The following VWDE variants were observed in gnomAD, a reference collection of about 807,000 sequenced individuals.
VWDE encodes von Willebrand factor D and EGF domains.
Under a neutral mutation model 178.4 loss-of-function variants are expected in VWDE, and 207 were observed. The observed-to-expected ratio is 1.16, with a 90% confidence interval of 1.04 to 1.30. The LOEUF (loss-of-function observed/expected upper bound fraction) is 1.30, where lower values mean the gene tolerates loss of function less well. Ranked by LOEUF, VWDE falls within the 50% of genes most tolerant of loss-of-function variation. VWDE has a pLI of 0.00. For missense variants in VWDE, 2,287 were observed against 1,901.3 expected (o/e 1.20, Z -3.77); for synonymous variants, 738 against 651.4 (o/e 1.13, Z -2.02).
At chr7:12,396,919 G>C (rs1013344536) in intron 1 of VWDE, among the ~76,000 whole-genome samples, 19 of 152,056 alleles carry the variant, frequency 1.2e-4, no homozygotes, top group African/African-American at 4.6e-4. Flanking sequence ...TGGGCAACAA[G>C]AGTGAAACTC....
rs1164872200 is a variant in VWDE, at chr7:12,388,957, C to T, written c.475+170G>A. 5 of 722,874 alleles carry T rather than the reference C, an allele frequency of 6.9e-6. No homozygotes were observed. In the Admixed American group the frequency reaches 1.0e-4, roughly 15 times the overall value. The allele number at this position is 722,874 out of a possible 1,614,324, so 44.8% of individuals were successfully genotyped here. ...GGACTTTACAATCTTGGCAAAGAACCCTAAAGAAATTTGACCAATGTAAAC... is the reference window on the plus strand; with the variant it reads ...GGACTTTACAATCTTGGCAAAGAACTCTAAAGAAATTTGACCAATGTAAAC... On this transcript the variant is annotated intron_variant, in intron 3 of 28. Transcript: ENST00000275358.
rs569197123 is a variant in VWDE, at chr7:12,384,328, G to C, written c.476-727C>G. Among the ~76,000 whole-genome samples the C allele has an allele frequency of 4.6e-5, 7 of 152,104 alleles. No homozygotes were observed. In the South Asian group the frequency reaches 1.5e-3, roughly 32 times the overall value. ...CTATGGAGACAGTAAAAAGAGCTGT[G>C]GTTGTCTGGGGTTGAGAGGAGGGAG... On this transcript the variant is annotated intron_variant, in intron 3 of 28. Coordinates refer to ENST00000275358, the MANE Select transcript of VWDE (RefSeq NM_001135924.3).
At chr7:12,353,899 A>C (rs1782077103) in intron 18 of VWDE, 2 of 152,476 alleles carry the variant, frequency 1.3e-5, no homozygotes, top group African/African-American at 4.8e-5. Context: ...TGGCTGCCCA[A>C]GGAGTGCTGT....
At chr7:12,401,145 G>A (rs1684369519) in intron 1 of VWDE, among the ~76,000 whole-genome samples, 1 of 151,952 alleles carries the variant, frequency 6.6e-6, no homozygotes, top group African/African-American at 2.4e-5. Context: ...TATAAAATCA[G>A]GAATAAGACA....
At chr7:12,373,381 A>G in intron 9 of VWDE, 134 bp from the exon 10 acceptor site, 1 of 843,602 alleles carries the variant, frequency 1.2e-6, no homozygotes, top group Non-Finnish European at 1.8e-6. Context: ...AGTCATAAAC[A>G]CCTCAATCTC....
intron 24 of VWDE, among the ~76,000 whole-genome samples, chr7:12,338,341 T>C (rs1781146803): frequency 6.6e-6 from 1 of 151,882 alleles, no homozygotes; most frequent in Non-Finnish European, 1.5e-5. Flanking sequence ...GGTAGAGAAA[T>C]GTTCTTACAT....
At chr7:12,337,456 A>G (rs1260236031) in intron 24 of VWDE, among the ~76,000 whole-genome samples, 184 bp from the exon 25 acceptor site, 1 of 152,224 alleles carries the variant, frequency 6.6e-6, no homozygotes, top group Non-Finnish European at 1.5e-5. Flanking sequence ...CCTATAAGCT[A>G]CTAGTGGGTT....
At chr7:12,369,446 A>C in intron 12 of VWDE, 99 bp downstream of exon 12, 1 of 1,373,418 alleles carries the variant, frequency 7.3e-7, no homozygotes, top group Non-Finnish European at 9.6e-7. Context: ...ATAAAATCTG[A>C]ATAAACACTG....
chr7:12,378,273 G>A (rs1394136678), intron 6 of VWDE, among the ~76,000 whole-genome samples: 1 of 152,162 alleles, frequency 6.6e-6, no homozygotes, highest in Non-Finnish European at 1.5e-5. Context: ...AATGTTTACT[G>A]ACACACCAAC....
chr7:12,385,983 ATAT>A (rs921629758), intron 3 of VWDE, among the ~76,000 whole-genome samples: 16 of 152,186 alleles, frequency 1.1e-4, no homozygotes, highest in Non-Finnish European at 1.5e-4. Context: ...CAAATTTTAA[ATAT>A]TATGTTTTTA....
At chr7:12,398,768 T>C (rs847999) in intron 1 of VWDE, among the ~76,000 whole-genome samples, 32,850 of 151,844 alleles carry the variant, frequency 0.22, 3,776 homozygotes, top group African/African-American at 0.28. Context: ...CGGAGGCCAT[T>C]ATCCTAAACA....
chr7:12,388,945 T>C (rs1466102998), intron 3 of VWDE, 182 bp downstream of exon 3: 1 of 715,356 alleles, frequency 1.4e-6, no homozygotes, highest in Admixed American at 2.0e-5. Flanking sequence ...CTTTACAATC[T>C]TGGCAAAGAA....
intron 17 of VWDE, 99 bp downstream of exon 17, chr7:12,357,166 G>T: frequency 7.2e-7 from 1 of 1,391,210 alleles, no homozygotes; most frequent in South Asian, 1.5e-5. Context: ...TAACTTTGTT[G>T]CTCTTTACAA....
intron 2 of VWDE, among the ~76,000 whole-genome samples, chr7:12,389,702 A>T (rs1336897901): frequency 6.6e-6 from 1 of 152,238 alleles, no homozygotes; most frequent in Non-Finnish European, 1.5e-5. Flanking sequence ...ATCTGAAGTT[A>T]TGTTAACACA....
At chr7:12,377,328 G>A (rs563472792) in intron 7 of VWDE, among the ~76,000 whole-genome samples, 3 of 152,094 alleles carry the variant, frequency 2.0e-5, no homozygotes, top group African/African-American at 7.2e-5. Context: ...GAAACTTGAA[G>A]GATGCATTAT....
chr7:12,349,235 T>TAAATACATA (rs1554264338), intron 19 of VWDE, among the ~76,000 whole-genome samples: 2 of 130,016 alleles, frequency 1.5e-5, no homozygotes, highest in Non-Finnish European at 3.5e-5. Context: ...ATAATCATAA[T>TAAATACATA]AATAAATAAA....
chr7:12,334,331 G>A (rs953607034), intron 27 of VWDE, among the ~76,000 whole-genome samples: 1 of 152,012 alleles, frequency 6.6e-6, no homozygotes, highest in African/African-American at 2.4e-5. Context: ...GTGAAAATGA[G>A]CGTACCACAA....
chr7:12,387,641 T>C (rs1784169567), intron 3 of VWDE, among the ~76,000 whole-genome samples: 1 of 152,122 alleles, frequency 6.6e-6, no homozygotes, highest in African/African-American at 2.4e-5. Context: ...TTTTAACTAC[T>C]ATAATAACCA....
chr7:12,358,999 G>A (rs1472955867), intron 16 of VWDE, among the ~76,000 whole-genome samples: 12 of 152,170 alleles, frequency 7.9e-5, no homozygotes, highest in African/African-American at 2.9e-4. Context: ...AATTACATGG[G>A]GCCAGGGAAT....
Sources: allele counts gnomAD v4.1 joint callset (sites outside exome capture counted in the v4.1 genomes callset), GRCh38; gene constraint gnomAD v4.1.1; transcripts MANE v1.5; gene names NCBI Gene and HGNC (gene_info 2026-07-23, HGNC 2026-07-21).